Variants in DMXL2 observed in about 807,000 individuals in gnomAD.
DMXL2 encodes Dmx like 2.
A neutral mutation model predicts 331.1 loss-of-function variants in DMXL2; 103 were observed. The ratio of observed to expected loss-of-function variants is 0.31; its 90% CI spans 0.27 to 0.37. The LOEUF (loss-of-function observed/expected upper bound fraction) is 0.37, where lower values mean the gene tolerates loss of function less well. DMXL2 is among the 10% of genes least tolerant of loss of function. The pLI, the probability that DMXL2 is intolerant of heterozygous loss-of-function variation, is 1.00. For synonymous variants in DMXL2, 1,281 were observed against 1,252.1 expected (o/e 1.02, Z -0.49); for missense variants, 3,171 against 3,642.9 (o/e 0.87, Z 3.33).
intron 1 of DMXL2, among the ~76,000 whole-genome samples, chr15:51,601,149 G>A (rs1402989997): frequency 1.3e-5 from 2 of 151,908 alleles, no homozygotes; most frequent in Non-Finnish European, 2.9e-5. Flanking sequence ...AAATTAGCCG[G>A]GCGTGGTGGC....
chr15:51,491,985 C>CATTT (rs2042834452), intron 19 of DMXL2, among the ~76,000 whole-genome samples: 1 of 152,098 alleles, frequency 6.6e-6, no homozygotes, highest in East Asian at 1.9e-4. Context: ...TTTCATTTCC[C>CATTT]CTACAAAAAT....
At position 51,500,116 on chromosome 15, in the gene DMXL2, C is replaced by A. The variant is rs376728796; in HGVS notation, c.3108G>T (p.Glu1036Asp). Residue 1036 changes from glutamate (E) to aspartate (D), a missense_variant, in exon 18 of 44, where the codon GAG becomes GAT. Physicochemically the swap from Glu to Asp is conservative, Grantham distance 45. Transcript: ENST00000560891. ...FWKCCMEANP[E>D]CNKSDEKEIY... ...TTTCTTTCTCATCACTTTTATTACA[C>A]TCTGGGTTGGCTTCCATACAACATT... 24 of 1,614,184 alleles carry A rather than the reference C, an allele frequency of 1.5e-5. 1 individual carries two copies. In the East Asian group the frequency reaches 1.8e-4, roughly 12 times the overall value.
rs2043489738 is a variant in DMXL2 at position 51,500,246 on chromosome 15, A to G, written c.2993-15T>C. 2 of 1,568,768 alleles carry G rather than the reference A, an allele frequency of 1.3e-6. No homozygotes were observed. The highest frequency in any genetic ancestry group is 2.0e-5 in the Admixed American group (1 of 49,448). On this transcript the variant is annotated splice_polypyrimidine_tract_variant and intron_variant, in intron 17 of 43. Coordinates refer to ENST00000560891, the MANE Select transcript of DMXL2 (RefSeq NM_001378457.1). ...ACTCAGATGGCCTTAAAAAAGAAAA[A>G]GCAAATAGTTAGTTGTAATAATAAT...
intron 8 of DMXL2, among the ~76,000 whole-genome samples, chr15:51,544,354 A>G (rs1425898415): frequency 1.3e-5 from 2 of 152,182 alleles, no homozygotes; most frequent in African/African-American, 2.4e-5. Flanking sequence ...TGCTTCCACC[A>G]TGTGATGTGC....
At chr15:51,504,209 A>G (rs956643041) in intron 16 of DMXL2, among the ~76,000 whole-genome samples, 3 of 152,150 alleles carry the variant, frequency 2.0e-5, no homozygotes, top group African/African-American at 7.2e-5. Flanking sequence ...AAATAACAAT[A>G]TACTGCCTCA....
intron 16 of DMXL2, among the ~76,000 whole-genome samples, chr15:51,505,527 T>C (rs1213742307): frequency 6.6e-6 from 1 of 152,262 alleles, no homozygotes; most frequent in Non-Finnish European, 1.5e-5. Flanking sequence ...CTCTTCCTGA[T>C]GAACTGGTTT....
intron 22 of DMXL2, among the ~76,000 whole-genome samples, 160 bp downstream of exon 22, chr15:51,487,794 A>G (rs904885680): frequency 6.6e-6 from 1 of 152,156 alleles, no homozygotes; most frequent in Admixed American, 6.5e-5. Context: ...GAATTTATTC[A>G]TATTTTCCTT....
chr15:51,515,533 G>A (rs2046986699), intron 14 of DMXL2, among the ~76,000 whole-genome samples: 1 of 152,140 alleles, frequency 6.6e-6, no homozygotes, highest in Non-Finnish European at 1.5e-5. Context: ...TCATTGTCTA[G>A]GAGGTCATTT....
At chr15:51,570,095 T>C (rs951905397) in intron 2 of DMXL2, among the ~76,000 whole-genome samples, 2 of 152,024 alleles carry the variant, frequency 1.3e-5, no homozygotes, top group Non-Finnish European at 2.9e-5. Flanking sequence ...GAGAGGAACA[T>C]AAATGACCTG....
At chr15:51,534,711 C>A (rs1357251097) in intron 13 of DMXL2, among the ~76,000 whole-genome samples, 1 of 152,188 alleles carries the variant, frequency 6.6e-6, no homozygotes, top group African/African-American at 2.4e-5. Context: ...GTTTCTGGAA[C>A]AAGCTTTACA....
chr15:51,544,791 T>C lies in DMXL2; in HGVS notation c.930+792A>G, dbSNP rs191820688. Among the ~76,000 whole-genome samples the C allele has an allele frequency of 3.6e-3, 542 of 152,242 alleles. 8 individuals are homozygous for C. The highest frequency in any genetic ancestry group is 0.013 in the African/African-American group (522 of 41,540). ...ATCGTATAAAGAAAAATACACATAT[T>C]CACAGGACTAGAATAGTTGAATTAT... On this transcript the variant is annotated intron_variant, in intron 8 of 43. Coordinates refer to ENST00000560891, the MANE Select transcript of DMXL2 (RefSeq NM_001378457.1).
intron 19 of DMXL2, among the ~76,000 whole-genome samples, chr15:51,492,855 T>C (rs1270484894): frequency 1.3e-5 from 2 of 152,240 alleles, no homozygotes; most frequent in Non-Finnish European, 1.5e-5. Context: ...AGTATCTATA[T>C]TGTTACACAT....
chr15:51,577,222 C>T (rs909123177), intron 1 of DMXL2, among the ~76,000 whole-genome samples: 4 of 152,100 alleles, frequency 2.6e-5, no homozygotes, highest in Admixed American at 1.3e-4. Context: ...AGTGTGGTTA[C>T]GACCTACAAA....
intron 1 of DMXL2, among the ~76,000 whole-genome samples, chr15:51,578,485 C>T (rs200733444): frequency 3.9e-5 from 6 of 152,130 alleles, no homozygotes; most frequent in Middle Eastern, 3.4e-3. Flanking sequence ...TTTTCTGATC[C>T]GGCAATAGTT....
intron 2 of DMXL2, among the ~76,000 whole-genome samples, chr15:51,573,282 G>C (rs528158671): frequency 1.4e-4 from 22 of 152,230 alleles, no homozygotes; most frequent in Admixed American, 4.6e-4. Context: ...GTGTAAGACA[G>C]TGTGGGAATT....
chr15:51,607,675 C>G (rs1472974956), intron 1 of DMXL2, among the ~76,000 whole-genome samples: 1 of 151,942 alleles, frequency 6.6e-6, no homozygotes, highest in Non-Finnish European at 1.5e-5. Flanking sequence ...TATACATAGA[C>G]CAAACACAGC....
chr15:51,536,508 A>G lies in DMXL2; in HGVS notation c.1972T>C (p.Cys658Arg). Residue 658 changes from cysteine (C) to arginine (R), a missense_variant, in exon 12 of 44, where the codon TGT becomes CGT. By Grantham distance (180) the Cys-to-Arg change is radical. Around this residue, in one of 7 missense-constraint regions of DMXL2, gnomAD observed 1,674 missense variants for 1,780.2 expected, o/e 0.94. Coordinates refer to ENST00000560891, the MANE Select transcript of DMXL2 (RefSeq NM_001378457.1). ...AATAACAGTGGTAAAACTGAATGACATGCCAGGTCATTGAGGTGAAATCGA... is the reference window on the plus strand; with the variant it reads ...AATAACAGTGGTAAAACTGAATGACGTGCCAGGTCATTGAGGTGAAATCGA... ...GHRFHLNDLA[C>R]HSVLPLLLTS... The G allele has an allele frequency of 6.2e-7, 1 of 1,613,982 alleles. No homozygotes were observed. The highest frequency in any genetic ancestry group is 8.5e-7 in the Non-Finnish European group (1 of 1,179,918).
chr15:51,530,155 C>G (rs1435705245), intron 13 of DMXL2, among the ~76,000 whole-genome samples: 2 of 152,112 alleles, frequency 1.3e-5, no homozygotes, highest in Admixed American at 6.5e-5. Context: ...AAAGCCTTTC[C>G]TCTAAGATCT....
At chr15:51,612,332 C>T (rs1038542368) in intron 1 of DMXL2, among the ~76,000 whole-genome samples, 5 of 152,160 alleles carry the variant, frequency 3.3e-5, no homozygotes, top group Admixed American at 2.0e-4. Flanking sequence ...ATAATCAAAT[C>T]GTCACATTAG....
Sources: allele counts gnomAD v4.1 joint callset (sites outside exome capture counted in the v4.1 genomes callset), GRCh38; gene constraint gnomAD v4.1.1; regional missense constraint gnomAD v4.1.1; transcripts MANE v1.5; gene names NCBI Gene and HGNC (gene_info 2026-07-23, HGNC 2026-07-21).